Variants in ANK2 observed in about 807,000 individuals in gnomAD.
ANK2 encodes ankyrin 2.
Under a neutral mutation model 360.5 loss-of-function variants are expected in ANK2, and 83 were observed. That is an observed-to-expected ratio of 0.23 (90% confidence interval 0.19 to 0.28). ANK2 has a LOEUF of 0.28. Among genes scored for constraint, ANK2 ranks in the 10% least tolerant of loss-of-function variants. The probability of loss-of-function intolerance (pLI) is 1.00; values close to 1 mark genes in which losing one functional copy is unlikely to be tolerated. For missense variants in ANK2, 4,201 were observed against 4,795.7 expected (o/e 0.88, Z 3.66); for synonymous variants, 1,740 against 1,759.5 (o/e 0.99, Z 0.28).
At chr4:112,855,274 C>G (rs2066072955) in intron 1 of ANK2, among the ~76,000 whole-genome samples, 1 of 152,200 alleles carries the variant, frequency 6.6e-6, no homozygotes, top group Non-Finnish European at 1.5e-5. Flanking sequence ...TGTAATCTCT[C>G]ACTGTCCACC....
chr4:113,138,849 A>C (rs2096539974), intron 1 of ANK2, among the ~76,000 whole-genome samples: 1 of 152,242 alleles, frequency 6.6e-6, no homozygotes, highest in African/African-American at 2.4e-5. Flanking sequence ...TGAACATATA[A>C]ATATATGTAG....
chr4:112,788,615 G>T, the ANK2 span: 8 of 1,597,916 alleles, frequency 5.0e-6, no homozygotes, highest in Admixed American at 1.2e-4. Context: ...CTGTTTGGCG[G>T]TCCAGGGCCT....
rs115967875 is a variant in ANK2, at chr4:113,347,056, G to A, written c.4371+1034G>A. 1.9e-3 allele frequency among the ~76,000 whole-genome samples: 283 copies of A among 152,182 alleles called. 1 individual carries two copies. Among genetic ancestry groups the A allele is most frequent in the South Asian group, 3.9e-3 (19 of 4,820 alleles). ...GTGGTGACTGCTGAGACCTGGAGGG[G>A]AAGTAGGAATATATTTAAAATCCTA... On this transcript the variant is annotated intron_variant, in intron 35 of 45. Coordinates refer to ENST00000357077, the MANE Select transcript of ANK2 (RefSeq NM_001148.6).
intron 22 of ANK2, among the ~76,000 whole-genome samples, chr4:113,300,583 G>A (rs1253721942): frequency 6.6e-6 from 1 of 152,172 alleles, no homozygotes; most frequent in Non-Finnish European, 1.5e-5. Flanking sequence ...GGAGTACATA[G>A]CAGCAGATAA....
chr4:113,247,896 T>A (rs940754156), intron 9 of ANK2, among the ~76,000 whole-genome samples: 2 of 152,252 alleles, frequency 1.3e-5, no homozygotes, highest in African/African-American at 4.8e-5. Context: ...GTAAGTTATG[T>A]AGCAACTAAT....
intron 1 of ANK2, among the ~76,000 whole-genome samples, chr4:113,159,191 C>CACA (rs372222957): frequency 2.8e-5 from 4 of 141,942 alleles, no homozygotes; most frequent in East Asian, 2.1e-4. Flanking sequence ...CTCTTTCCTT[C>CACA]CACACACACA....
At chr4:113,265,569 G>C (rs1358745301) in intron 14 of ANK2, among the ~76,000 whole-genome samples, 3 of 152,142 alleles carry the variant, frequency 2.0e-5, no homozygotes, top group Non-Finnish European at 4.4e-5. Flanking sequence ...ACTGAAGATT[G>C]CTTGATCAGA....
intron 1 of ANK2, chr4:113,071,959 C>T (rs1040499838): frequency 2.6e-5 from 4 of 152,240 alleles, no homozygotes; most frequent in Non-Finnish European, 5.9e-5. Context: ...AAGGGGGATG[C>T]CCCTTATAAA....
At chr4:113,118,611 T>C (rs1399273212) in intron 1 of ANK2, among the ~76,000 whole-genome samples, 3 of 152,210 alleles carry the variant, frequency 2.0e-5, no homozygotes, top group African/African-American at 7.2e-5. Context: ...CAGTATATAA[T>C]GATTTCCCTT....
At chr4:112,962,513 A>C (rs1156906952) in intron 2 of ANK2, among the ~76,000 whole-genome samples, 1 of 152,200 alleles carries the variant, frequency 6.6e-6, no homozygotes. Flanking sequence ...ATAAAAGTGC[A>C]TGTATCTTTT....
chr4:113,018,529 T>C (rs2057247903), intron 2 of ANK2, among the ~76,000 whole-genome samples: 2 of 151,766 alleles, frequency 1.3e-5, no homozygotes, highest in African/African-American at 4.8e-5. Context: ...AGACTTAAGG[T>C]TAGCATCCAT....
intron 1 of ANK2, among the ~76,000 whole-genome samples, chr4:113,054,509 A>G (rs928196222): frequency 1.3e-5 from 2 of 152,226 alleles, no homozygotes; most frequent in African/African-American, 4.8e-5. Context: ...GAAATCAGGT[A>G]GTAGATCCAA....
At chr4:113,181,257 A>G (rs2098405378) in intron 2 of ANK2, among the ~76,000 whole-genome samples, 1 of 152,164 alleles carries the variant, frequency 6.6e-6, no homozygotes, top group Non-Finnish European at 1.5e-5. Context: ...AGTGGTTTAG[A>G]TCGGAACAGA....
rs548046965 is a variant in ANK2, at chr4:113,231,116, A to T, written c.385-1045A>T. On this transcript the variant is annotated intron_variant, in intron 4 of 45. Transcript: ENST00000357077. ...ACCCAGGCTGGAGTGCAGTGGCGCG[A>T]TCTTGGCTCACTGTAATCTCCGCCT... 1.3e-4 allele frequency among the ~76,000 whole-genome samples: 19 copies of T among 147,618 alleles called. No individual in the cohort carries two copies. In the South Asian group the frequency reaches 4.0e-3, roughly 31 times the overall value.
chr4:113,087,793 G>T (rs929338335), intron 1 of ANK2, among the ~76,000 whole-genome samples: 1 of 152,046 alleles, frequency 6.6e-6, no homozygotes, highest in Admixed American at 6.5e-5. Context: ...CTTTTTAAGG[G>T]ACTATTTCTT....
intron 7 of ANK2, among the ~76,000 whole-genome samples, chr4:113,239,906 A>G (rs1434354902): frequency 6.6e-6 from 1 of 152,184 alleles, no homozygotes; most frequent in Non-Finnish European, 1.5e-5. Flanking sequence ...CATCATGACA[A>G]CAACATAATC....
chr4:113,248,669 T>A (rs1480833310), intron 9 of ANK2, among the ~76,000 whole-genome samples: 3 of 152,062 alleles, frequency 2.0e-5, no homozygotes, highest in Non-Finnish European at 4.4e-5. Context: ...GAGGAATTAT[T>A]TTTATTTGGA....
rs1195690650 is a variant in ANK2 at position 113,383,687 on chromosome 4, T to G, written c.*2216T>G. The G allele has an allele frequency of 6.6e-6, 1 of 152,620 alleles. No individual in the cohort carries two copies. Among genetic ancestry groups the G allele is most frequent in the Admixed American group, 6.5e-5 (1 of 15,278 alleles). 9.5% of individuals were successfully genotyped at this position (152,620 alleles called of 1,614,324 possible). On this transcript the variant is annotated 3_prime_UTR_variant, in exon 46 of 46. Transcript: ENST00000357077. ...CAACACTAACAATACATAGCTGCAA[T>G]GTGTACAATGGCTGATTTAATTAAA...
intron 2 of ANK2, among the ~76,000 whole-genome samples, chr4:112,965,969 T>C (rs6844384): frequency 0.15 from 22,077 of 151,792 alleles, 2,961 homozygotes; most frequent in African/African-American, 0.36. Flanking sequence ...TAGAAACAAA[T>C]GTTGCAAGAC....
Sources: gnomAD v4.1 joint callset for allele counts (sites outside exome capture counted in the v4.1 genomes callset) on GRCh38, gnomAD v4.1.1 for gene constraint, MANE v1.5 for transcripts, NCBI Gene and HGNC (gene_info 2026-07-23, HGNC 2026-07-21) for gene names.